The following SVIL variants were observed in gnomAD, a reference collection of about 807,000 sequenced individuals.
SVIL encodes supervillin, also known as archvillin.
SVIL carries 101 observed loss-of-function variants against 240.4 expected under a neutral mutation model. The observed-to-expected ratio is 0.42, with a 90% CI of 0.36 to 0.50. The LOEUF is 0.50. Ranked by LOEUF, SVIL falls within the 20% of genes least tolerant of loss-of-function variation. The pLI, the probability that SVIL is intolerant of heterozygous loss-of-function variation, is 0.01. For synonymous variants in SVIL, 999 were observed against 1,100.0 expected, an observed-to-expected ratio of 0.91 and a Z score of 1.82; for missense variants, 2,512 against 2,818.7, an observed-to-expected ratio of 0.89 and a Z score of 2.46.
chr10:29,708,359 G>A (rs1389442733), intron 1 of SVIL, among the ~76,000 whole-genome samples: 17 of 151,490 alleles, frequency 1.1e-4, no homozygotes, highest in Non-Finnish European at 1.5e-5. Flanking sequence ...GTTAGCTCAC[G>A]CCTGTAATCC....
At chr10:29,697,011 A>T (rs1426327548) in intron 1 of SVIL, among the ~76,000 whole-genome samples, 1 of 83,804 alleles carries the variant, frequency 1.2e-5, no homozygotes, top group East Asian at 4.2e-4. Flanking sequence ...TCCGGGAGGG[A>T]GGTGGGGGGC....
intron 3 of SVIL, among the ~76,000 whole-genome samples, chr10:29,640,494 G>A (rs1297444824): frequency 1.3e-5 from 2 of 152,134 alleles, no homozygotes; most frequent in Non-Finnish European, 2.9e-5. Context: ...CACACCTAAA[G>A]CAGAAGTCAG....
intron 29 of SVIL, among the ~76,000 whole-genome samples, chr10:29,475,847 C>T (rs372471643): frequency 1.2e-4 from 19 of 152,214 alleles, no homozygotes; most frequent in African/African-American, 4.3e-4. Context: ...GCTCCAATCC[C>T]ATTTCCAACA....
intron 1 of SVIL, among the ~76,000 whole-genome samples, chr10:29,719,755 T>G (rs1303328259): frequency 1.3e-5 from 2 of 151,888 alleles, no homozygotes; most frequent in Non-Finnish European, 2.9e-5. Flanking sequence ...GACATAGCAA[T>G]AGAAATATCC....
chr10:29,672,398 T>C (rs1357354300), intron 2 of SVIL, among the ~76,000 whole-genome samples: 1 of 151,964 alleles, frequency 6.6e-6, no homozygotes, highest in Admixed American at 6.6e-5. Context: ...CACCTAAGCA[T>C]AGGAGGTTGA....
At chr10:29,731,612 C>T (rs1190056469) in intron 1 of SVIL, among the ~76,000 whole-genome samples, 3 of 152,032 alleles carry the variant, frequency 2.0e-5, no homozygotes, top group African/African-American at 7.3e-5. Context: ...TAAGGTTTTA[C>T]ATATGGAAAA....
chr10:29,646,956 C>T (rs989216984), intron 3 of SVIL, among the ~76,000 whole-genome samples: 33 of 152,304 alleles, frequency 2.2e-4, no homozygotes, highest in African/African-American at 7.9e-4. Context: ...TCATCCGTTC[C>T]ACCTTCTGAC....
At position 29,734,006 on chromosome 10, in the gene SVIL, C is replaced by T. The variant is rs190486350; in HGVS notation, c.-400+1745G>A. Among the ~76,000 whole-genome samples the T allele has an allele frequency of 3.0e-4, 45 of 152,352 alleles. 1 individual carries two copies. Among genetic ancestry groups the T allele is most frequent in the African/African-American group, 1.1e-3 (44 of 41,586 alleles). On this transcript the variant is annotated intron_variant, in intron 1 of 35. Coordinates refer to the SVIL transcript ENST00000375400. ...CATACTTCACTCAATTTTAAACGCACATTCAGCACAGTGGCAAAGTCACAC... is the reference window on the plus strand; with the variant it reads ...CATACTTCACTCAATTTTAAACGCATATTCAGCACAGTGGCAAAGTCACAC...
intron 16 of SVIL, among the ~76,000 whole-genome samples, chr10:29,515,114 G>T (rs1167456801): frequency 1.3e-5 from 2 of 152,160 alleles, no homozygotes; most frequent in Non-Finnish European, 2.9e-5. Flanking sequence ...TCTGCTAAGT[G>T]GCAGCAGATA....
intron 1 of SVIL, among the ~76,000 whole-genome samples, chr10:29,696,921 C>A (rs1444231259): frequency 2.0e-5 from 3 of 146,904 alleles, no homozygotes; most frequent in Admixed American, 6.7e-5. Context: ...TCTGCCCAGC[C>A]AGGAGCCCCT....
At chr10:29,531,355 A>G (rs1007308222) in intron 9 of SVIL, 67 bp from the exon 10 acceptor site, 145 of 1,388,212 alleles carry the variant, frequency 1.0e-4, no homozygotes, top group Non-Finnish European at 1.4e-4. Flanking sequence ...GAAATAAAAC[A>G]TCATACTGAA....
intron 3 of SVIL, among the ~76,000 whole-genome samples, chr10:29,558,200 A>G (rs920389478): frequency 1.3e-5 from 2 of 152,172 alleles, no homozygotes; most frequent in African/African-American, 2.4e-5. Context: ...CCTAGATTCA[A>G]CGCAAAGCTA....
chr10:29,491,538 G>T (rs1462448218), intron 21 of SVIL, among the ~76,000 whole-genome samples: 7 of 152,126 alleles, frequency 4.6e-5, no homozygotes, highest in South Asian at 2.1e-4. Context: ...TCCACTTAAC[G>T]CACTGCCTCC....
At chr10:29,646,008 T>C (rs908918779) in intron 3 of SVIL, among the ~76,000 whole-genome samples, 7 of 152,242 alleles carry the variant, frequency 4.6e-5, no homozygotes, top group Admixed American at 2.6e-4. Context: ...GTACCCCTAG[T>C]GACATGGGCC....
chr10:29,462,217 G>A, intron 36 of SVIL, 60 bp downstream of exon 36: 1 of 1,569,176 alleles, frequency 6.4e-7, no homozygotes, highest in Non-Finnish European at 8.6e-7. Context: ...CCAAAGTAAA[G>A]TTAACCCACA....
chr10:29,521,238 A>T (rs907201822), intron 16 of SVIL, among the ~76,000 whole-genome samples: 1 of 151,828 alleles, frequency 6.6e-6, no homozygotes, highest in Non-Finnish European at 1.5e-5. Context: ...GAAAAAAAAA[A>T]AAAAAAGGAA....
At chr10:29,580,454 C>G (rs1261160140) in intron 1 of SVIL, among the ~76,000 whole-genome samples, 1 of 152,114 alleles carries the variant, frequency 6.6e-6, no homozygotes, top group South Asian at 2.1e-4. Flanking sequence ...TGAGAGAACA[C>G]GTATAGAAGC....
intron 6 of SVIL, among the ~76,000 whole-genome samples, chr10:29,542,993 C>T (rs572467395): frequency 1.1e-4 from 17 of 152,126 alleles, no homozygotes; most frequent in Non-Finnish European, 2.2e-4. Flanking sequence ...GGGAAACTCA[C>T]GATATGATAA....
intron 1 of SVIL, among the ~76,000 whole-genome samples, chr10:29,606,411 T>A (rs1421045546): frequency 6.6e-6 from 1 of 152,182 alleles, no homozygotes; most frequent in African/African-American, 2.4e-5. Flanking sequence ...TAAACTGGCA[T>A]ATACCCCCAC....
Sources: allele counts gnomAD v4.1 joint callset (sites outside exome capture counted in the v4.1 genomes callset), GRCh38; gene constraint gnomAD v4.1.1; transcripts MANE v1.5; gene names NCBI Gene and HGNC (gene_info 2026-07-23, HGNC 2026-07-21).